CIT: variants seen among roughly 807,000 people sequenced by gnomAD.
The protein encoded by CIT is citron Rho-interacting kinase.
In CIT, 79 loss-of-function variants were observed where a neutral mutation model predicts 272.7. The ratio of observed to expected loss-of-function variants is 0.29; its 90% CI spans 0.24 to 0.35. The LOEUF is 0.35. Ranked by LOEUF, CIT falls within the 10% of genes least tolerant of loss-of-function variation. The pLI is 1.00. For missense variants in CIT, 1,909 were observed against 2,618.3 expected (o/e 0.73, Z 5.91); for synonymous variants, 948 against 995.6 (o/e 0.95, Z 0.90).
chr12:119,806,023 G>C (rs1966580902), intron 9 of CIT, among the ~76,000 whole-genome samples: 1 of 151,820 alleles, frequency 6.6e-6, no homozygotes, highest in African/African-American at 2.4e-5. Context: ...TGTAGTCCCA[G>C]CTACTTGGGA....
intron 44 of CIT, among the ~76,000 whole-genome samples, chr12:119,699,113 G>A (rs533794526): frequency 2.0e-5 from 3 of 152,106 alleles, no homozygotes; most frequent in East Asian, 1.9e-4. Context: ...AAAATTAGCC[G>A]GGTATGGTGA....
chr12:119,826,752 A>C (rs1277441799), intron 7 of CIT, among the ~76,000 whole-genome samples: 1 of 152,170 alleles, frequency 6.6e-6, no homozygotes, highest in Admixed American at 6.5e-5. Context: ...TTCCTCATTA[A>C]ACGATGGTAA....
intron 10 of CIT, among the ~76,000 whole-genome samples, chr12:119,790,395 G>C (rs993317340): frequency 2.6e-5 from 4 of 152,138 alleles, no homozygotes; most frequent in African/African-American, 4.8e-5. Context: ...ACTCTAAAAT[G>C]ATGGGCAATG....
At chr12:119,719,642 T>C (rs1334439449) in intron 30 of CIT, among the ~76,000 whole-genome samples, 1 of 152,202 alleles carries the variant, frequency 6.6e-6, no homozygotes, top group Non-Finnish European at 1.5e-5. Context: ...ACCGGAAATA[T>C]TGAGACAACT....
At chr12:119,707,557 G>A (rs112659765) in intron 40 of CIT, among the ~76,000 whole-genome samples, 91 of 151,946 alleles carry the variant, frequency 6.0e-4, no homozygotes, top group African/African-American at 2.0e-3. Flanking sequence ...GCTGGAGTGC[G>A]GTGGCGCAAT....
chr12:119,728,441 G>A lies in CIT; in HGVS notation c.3591+61C>T, dbSNP rs747579014. On this transcript the variant is annotated intron_variant, in intron 28 of 47. Coordinates refer to ENST00000392521, the MANE Select transcript of CIT (RefSeq NM_001206999.2). This position sits in a 1 kb window ranked among gnomAD's most constrained non-coding sequence, Gnocchi z 4.3. Reference sequence around the variant, plus strand: ...GAACCTAAAGCTGCTCCAAAAAAAAGAAGCCTATTAAAAGAAAAAAAAAAT... The same window carrying A: ...GAACCTAAAGCTGCTCCAAAAAAAAAAAGCCTATTAAAAGAAAAAAAAAAT... The A allele has an allele frequency of 2.9e-6, 3 of 1,037,162 alleles. No individual in the cohort carries two copies. Among genetic ancestry groups the A allele is most frequent in the East Asian group, 2.4e-5 (1 of 41,928 alleles). The allele number at this position is 1,037,162 out of a possible 1,614,324, so 64.2% of individuals were successfully genotyped here.
At position 119,768,073 on chromosome 12, in the gene CIT, G is replaced by A. The variant is rs535815362; in HGVS notation, c.2209-891C>T. On this transcript the variant is annotated intron_variant, in intron 18 of 47. Transcript: ENST00000392521. This position sits in a 1 kb window ranked among gnomAD's most constrained non-coding sequence, Gnocchi z 4.3. ...ATTATAGGCATGCGCCACCATGCCC[G>A]GCTAATTTTTGTATTTTTAGTAGAG... Among the ~76,000 whole-genome samples the A allele has an allele frequency of 2.4e-4, 37 of 151,954 alleles. 1 individual carries two copies. The highest frequency in any genetic ancestry group is 5.8e-4 in the African/African-American group (24 of 41,352).
At chr12:119,844,244 A>G (rs983527456) in intron 5 of CIT, among the ~76,000 whole-genome samples, 4 of 151,338 alleles carry the variant, frequency 2.6e-5, no homozygotes, top group African/African-American at 9.7e-5. Context: ...CTGGGCTTGA[A>G]CTCCTGAACT....
chr12:119,714,062 T>A, intron 33 of CIT, 135 bp downstream of exon 33: 2 of 976,398 alleles, frequency 2.0e-6, no homozygotes, highest in Non-Finnish European at 3.0e-6. Flanking sequence ...AAAAATAGCA[T>A]CCTCCTACTG....
chr12:119,710,329 G>A lies in CIT; in HGVS notation c.4993C>T (p.Leu1665=), dbSNP rs751140877. 1.9e-6 allele frequency: 3 copies of A among 1,614,238 alleles called. No homozygotes were observed. Among genetic ancestry groups the A allele is most frequent in the East Asian group, 2.2e-5 (1 of 44,890 alleles). The change falls in exon 39 of 48, where the codon CTA becomes TTA. Residue 1665 remains leucine, a synonymous_variant. Coordinates refer to ENST00000392521, the MANE Select transcript of CIT (RefSeq NM_001206999.2). The surrounding 1 kb of genome is among the most constrained non-coding windows in gnomAD (Gnocchi z 5.6). ...LYALNVLKNS[L]THVPGIGAVF... is the part of the protein sequence containing the mutation. Reference sequence around the variant, plus strand: ...GCTCCAATTCCTGGGACATGGGTTAGGGAGTTTTTCAAGACATTCAGGGCG... The same window carrying A: ...GCTCCAATTCCTGGGACATGGGTTAAGGAGTTTTTCAAGACATTCAGGGCG...
intron 30 of CIT, among the ~76,000 whole-genome samples, chr12:119,720,114 G>T (rs1427377941): frequency 6.6e-6 from 1 of 152,192 alleles, no homozygotes; most frequent in East Asian, 1.9e-4. Flanking sequence ...CCCCATACTT[G>T]TGACTTGCTA....
At chr12:119,720,431 T>C in intron 30 of CIT, 47 bp downstream of exon 30, 3 of 1,308,414 alleles carry the variant, frequency 2.3e-6, no homozygotes, top group Admixed American at 1.8e-5. Flanking sequence ...GAGCCATGAA[T>C]GATGAGTGAA....
At position 119,787,625 on chromosome 12, in the gene CIT, G is replaced by A. The variant is rs1228767332; in HGVS notation, c.1296-2560C>T. 6.0e-5 allele frequency among the ~76,000 whole-genome samples: 9 copies of A among 150,428 alleles called. No individual in the cohort carries two copies. In the East Asian group the frequency reaches 7.8e-4, roughly 13 times the overall value. On this transcript the variant is annotated intron_variant, in intron 10 of 47. Coordinates refer to ENST00000392521, the MANE Select transcript of CIT (RefSeq NM_001206999.2). Reference sequence around the variant, plus strand: ...GGGCGCCTGTAGTCCCAGCTACTCCGGAGGCTGAGGCAGGAGAATGGCATG... The same window carrying A: ...GGGCGCCTGTAGTCCCAGCTACTCCAGAGGCTGAGGCAGGAGAATGGCATG...
chr12:119,699,704 C>T (rs1361287841), intron 44 of CIT: 8 of 428,786 alleles, frequency 1.9e-5, no homozygotes, highest in Non-Finnish European at 3.8e-5. Flanking sequence ...CTGTCTTGGG[C>T]TTTCTAGTTG....
Position 119,868,422 on chromosome 12 carries a change from G to A in CIT, c.238+638C>T, listed in dbSNP as rs148819467. On this transcript the variant is annotated intron_variant, in intron 3 of 47. Transcript: ENST00000392521. ...CCGTGCCTACTCTGCCTAATAGAAA[G>A]TCAGCCCTGAGTGAGTATAAGGACA... Among the ~76,000 whole-genome samples, 277 of 152,232 alleles carry A rather than the reference G, an allele frequency of 1.8e-3. 1 individual carries two copies. The South Asian group carries it at 0.032, about 18-fold the overall frequency.
chr12:119,758,523 G>A lies in CIT; in HGVS notation c.2531+68C>T, dbSNP rs564300983. ...CTCCAGCTCCATCAAACAGAAGAAGGGAGTTTATGCCACAGGAGAGGAGAC... is the reference window on the plus strand; with the variant it reads ...CTCCAGCTCCATCAAACAGAAGAAGAGAGTTTATGCCACAGGAGAGGAGAC... On this transcript the variant is annotated intron_variant, in intron 21 of 47. Transcript: ENST00000392521. 14 of 956,882 alleles carry A rather than the reference G, an allele frequency of 1.5e-5. No individual in the cohort carries two copies. In the South Asian group the frequency reaches 1.8e-4, roughly 12 times the overall value. 59.3% of individuals were successfully genotyped at this position (956,882 alleles called of 1,614,324 possible). A position where few individuals can be genotyped will look rare whatever the true frequency, so the allele number is the denominator to read the frequency against.
At chr12:119,876,592 G>T (rs1174304998) in intron 1 of CIT, among the ~76,000 whole-genome samples, 1 of 152,166 alleles carries the variant, frequency 6.6e-6, no homozygotes, top group African/African-American at 2.4e-5. Flanking sequence ...AATCGAGCAA[G>T]AAAAGGACAA....
chr12:119,815,667 T>C (rs902913575), intron 9 of CIT, among the ~76,000 whole-genome samples: 3 of 151,766 alleles, frequency 2.0e-5, no homozygotes, highest in Non-Finnish European at 4.4e-5. Flanking sequence ...GATCACGCCA[T>C]TGCACTCCAG....
chr12:119,741,914 T>C (rs1959076360), intron 24 of CIT, among the ~76,000 whole-genome samples: 2 of 152,206 alleles, frequency 1.3e-5, no homozygotes, highest in Admixed American at 6.5e-5. Context: ...ATTTTGAATT[T>C]GCATGTTGGG....
Sources: gnomAD v4.1 joint callset for allele counts (sites outside exome capture counted in the v4.1 genomes callset) on GRCh38, gnomAD v4.1.1 for gene constraint, Gnocchi (gnomAD v3.1) non-coding constraint, MANE v1.5 for transcripts, NCBI Gene and HGNC (gene_info 2026-07-23, HGNC 2026-07-21) for gene names.